The following CTSB variants were observed in gnomAD, a reference collection of about 807,000 sequenced individuals.
CTSB encodes the protein APP secretase.
A neutral mutation model predicts 44.3 loss-of-function variants in CTSB; 57 were observed. That is an observed-to-expected ratio of 1.29 (90% CI 1.04 to 1.60). The LOEUF (loss-of-function observed/expected upper bound fraction) is 1.60. CTSB is among the 40% of genes most tolerant of loss of function. The pLI is 0.00. For missense variants in CTSB, 768 were observed against 443.0 expected, an observed-to-expected ratio of 1.73 and a Z score of -6.59; for synonymous variants, 320 against 168.0, an observed-to-expected ratio of 1.91 and a Z score of -7.00.
Position 11,849,161 on chromosome 8 carries a change from A to G in CTSB, c.331T>C (p.Phe111Leu). 1.2e-6 allele frequency: 2 copies of G among 1,611,680 alleles called. No individual in the cohort carries two copies. The highest frequency in any genetic ancestry group is 1.7e-6 in the Non-Finnish European group (2 of 1,179,362). Residue 111 changes from phenylalanine (F) to leucine (L), a missense_variant, in exon 5 of 10, where the codon TTC (phenylalanine) becomes CTC (leucine). Coordinates refer to ENST00000353047, the MANE Select transcript of CTSB (RefSeq NM_001908.5). ...DQGSCGSCWA[F>L]GAVEAISDRI... ...TCAGAGATGGCTTCCACAGCCCCGAAGGCCTGCAGGAACGAGCCCCACCGG... is the reference window on the plus strand; with the variant it reads ...TCAGAGATGGCTTCCACAGCCCCGAGGGCCTGCAGGAACGAGCCCCACCGG...
chr8:11,857,174 C>T (rs935936635), intron 1 of CTSB, among the ~76,000 whole-genome samples: 2 of 152,164 alleles, frequency 1.3e-5, no homozygotes, highest in African/African-American at 2.4e-5. Context: ...CAGGCCTGTG[C>T]TACCACGTTT....
chr8:11,846,295 G>C (rs1813324445), intron 8 of CTSB: 1 of 152,406 alleles, frequency 6.6e-6, no homozygotes, highest in African/African-American at 2.4e-5. Flanking sequence ...AGGCTCTCGG[G>C]TGGGGAAATC....
At chr8:11,849,802 A>C (rs1814217154) in intron 4 of CTSB, among the ~76,000 whole-genome samples, 1 of 152,044 alleles carries the variant, frequency 6.6e-6, no homozygotes, top group Admixed American at 6.6e-5. Context: ...GTTGGTCTCA[A>C]ACTCCTGACC....
intron 1 of CTSB, among the ~76,000 whole-genome samples, chr8:11,858,396 G>T (rs1815868358): frequency 6.6e-6 from 1 of 152,164 alleles, no homozygotes; most frequent in African/African-American, 2.4e-5. Flanking sequence ...CTGGGCTCAA[G>T]AGATCTGCTC....
intron 1 of CTSB, among the ~76,000 whole-genome samples, chr8:11,866,069 TGACA>T (rs1817104184): frequency 6.6e-6 from 1 of 150,640 alleles, no homozygotes; most frequent in African/African-American, 2.4e-5. Context: ...AGAAAATCAC[TGACA>T]GACATCCCAA....
At chr8:11,845,377 G>T (rs529499043) in intron 9 of CTSB, among the ~76,000 whole-genome samples, 155 bp from the exon 10 acceptor site, 1 of 152,296 alleles carries the variant, frequency 6.6e-6, no homozygotes, top group African/African-American at 2.4e-5. Flanking sequence ...CTGGAGCCGT[G>T]GGGCACACCT....
At chr8:11,854,300 G>A (rs1362680862) in intron 1 of CTSB, among the ~76,000 whole-genome samples, 1 of 152,186 alleles carries the variant, frequency 6.6e-6, no homozygotes, top group Admixed American at 6.5e-5. Context: ...CCACGGGTGG[G>A]TGAGGTGTTC....
intron 8 of CTSB, chr8:11,846,468 G>C (rs1295061144): frequency 6.5e-6 from 1 of 152,692 alleles, no homozygotes; most frequent in Non-Finnish European, 1.5e-5. Flanking sequence ...GATGCAGTCA[G>C]CAAAGACTGT....
chr8:11,858,346 G>A (rs1028458294), intron 1 of CTSB, among the ~76,000 whole-genome samples: 1 of 152,178 alleles, frequency 6.6e-6, no homozygotes, highest in East Asian at 1.9e-4. Context: ...CCAGGCTGGA[G>A]TGCAGTGGCA....
chr8:11,852,063 A>T (rs1187578159), intron 3 of CTSB, among the ~76,000 whole-genome samples: 3 of 152,132 alleles, frequency 2.0e-5, no homozygotes, highest in African/African-American at 7.2e-5. Context: ...TGCGGCTGAG[A>T]CACCTTGGAG....
chr8:11,847,875 C>G (rs1330994853), intron 6 of CTSB, 53 bp from the exon 7 acceptor site: 36 of 1,544,526 alleles, frequency 2.3e-5, no homozygotes, highest in Admixed American at 8.5e-5. Flanking sequence ...ACGGAGAAGA[C>G]CTGGGGCAAG....
In CTSB at chr8:11,845,054, G is replaced by C; in HGVS notation, c.*71C>G. 1.9e-6 allele frequency: 2 copies of C among 1,042,374 alleles called. No individual in the cohort carries two copies. Among genetic ancestry groups the C allele is most frequent in the South Asian group, 2.6e-5 (2 of 77,500 alleles). The allele number at this position is 1,042,374 out of a possible 1,614,324, so 64.6% of individuals were successfully genotyped here. On this transcript the variant is annotated 3_prime_UTR_variant, in exon 10 of 10. Coordinates refer to ENST00000353047, the MANE Select transcript of CTSB (RefSeq NM_001908.5). ...CCTGTCTGAAACTTGTATCTTACGTGAACTTAAAGAATAAAATGCATTTCT... is the reference window on the plus strand; with the variant it reads ...CCTGTCTGAAACTTGTATCTTACGTCAACTTAAAGAATAAAATGCATTTCT...
Position 11,844,951 on chromosome 8 carries a change from AC to A in CTSB, c.*173del. On this transcript the variant is annotated 3_prime_UTR_variant, in exon 10 of 10. Transcript: ENST00000353047. ...GCTCACATGGCCTGTCTGCACTGTAACCACAGGCTGGGATGTAGCCAGGACT... is the reference window on the plus strand; with the variant it reads ...GCTCACATGGCCTGTCTGCACTGTAACACAGGCTGGGATGTAGCCAGGACT... 1.6e-6 allele frequency: 1 copy of A among 608,528 alleles called. No homozygotes were observed. The highest frequency in any genetic ancestry group is 2.9e-6 in the Non-Finnish European group (1 of 340,084). The allele number at this position is 608,528 out of a possible 1,614,324, so 37.7% of individuals were successfully genotyped here.
At chr8:11,851,056 CT>C (rs1814507006) in intron 3 of CTSB, 76 bp from the exon 4 acceptor site, 1 of 931,420 alleles carries the variant, frequency 1.1e-6, no homozygotes. Context: ...GCCACTTTGG[CT>C]GGGCCACACT....
At chr8:11,851,852 A>C (rs1814647354) in intron 3 of CTSB, among the ~76,000 whole-genome samples, 1 of 151,828 alleles carries the variant, frequency 6.6e-6, no homozygotes, top group Non-Finnish European at 1.5e-5. Context: ...TTTTTAGTAG[A>C]GACGGGGTTT....
chr8:11,845,754 C>CA lies in CTSB; in HGVS notation c.828dup (p.Gly277TrpfsTer27). On this transcript the variant is annotated frameshift_variant, in exon 9 of 10. Coordinates refer to ENST00000353047, the MANE Select transcript of CTSB (RefSeq NM_001908.5). LOFTEE classifies it high-confidence loss of function. ...CAGCCCAGGATGCGGATGGCATGGC[C>CA]ACCCATCATCTCTCCGGTGACGTGT... The CA allele has an allele frequency of 6.2e-7, 1 of 1,614,090 alleles. No homozygotes were observed. The highest frequency in any genetic ancestry group is 8.5e-7 in the Non-Finnish European group (1 of 1,179,960).
intron 1 of CTSB, among the ~76,000 whole-genome samples, chr8:11,859,299 C>T (rs768784155): frequency 3.4e-4 from 52 of 152,212 alleles, no homozygotes; most frequent in Middle Eastern, 6.8e-3. Flanking sequence ...CCCCGGCAAA[C>T]GGCACCCTAG....
chr8:11,847,220 G>A (rs779614616), intron 7 of CTSB, 52 bp from the exon 8 acceptor site: 4 of 1,112,392 alleles, frequency 3.6e-6, no homozygotes, highest in Non-Finnish European at 2.8e-6. Flanking sequence ...CGTGCCTCGT[G>A]GCACGCCACG....
chr8:11,846,910 T>G (rs901787797), intron 8 of CTSB, 142 bp downstream of exon 8: 5 of 650,894 alleles, frequency 7.7e-6, no homozygotes, highest in African/African-American at 3.6e-5. Context: ...AGTGAGCCTA[T>G]ATGGAAGGCC....
Sources: allele counts gnomAD v4.1 joint callset (sites outside exome capture counted in the v4.1 genomes callset), GRCh38; gene constraint gnomAD v4.1.1; transcripts MANE v1.5; gene names NCBI Gene and HGNC (gene_info 2026-07-23, HGNC 2026-07-21).